Variants in SMCO4 observed in about 807,000 individuals in gnomAD.
The protein encoded by SMCO4 is single-pass membrane and coiled-coil domain-containing protein 4.
Under a neutral mutation model 3.6 loss-of-function variants are expected in SMCO4, and 4 were observed. The observed-to-expected ratio is 1.11, with a 90% confidence interval of 0.54 to 2.53. SMCO4 has a LOEUF of 2.53. Among genes scored for constraint, SMCO4 ranks in the 30% most tolerant of loss-of-function variants. The pLI, the probability that SMCO4 is intolerant of heterozygous loss-of-function variation, is 0.02. For synonymous variants in SMCO4, 36 were observed against 35.3 expected (o/e 1.02, Z -0.07); for missense variants, 70 against 80.8 (o/e 0.87, Z 0.51).
intron 1 of SMCO4, among the ~76,000 whole-genome samples, chr11:93,529,285 A>G (rs1185449550): frequency 6.6e-6 from 1 of 152,230 alleles, no homozygotes; most frequent in Non-Finnish European, 1.5e-5. Context: ...TCTAGCTAGG[A>G]ATCATCTTCA....
At chr11:93,502,440 A>T (rs1479474229) in intron 1 of SMCO4, among the ~76,000 whole-genome samples, 1 of 152,148 alleles carries the variant, frequency 6.6e-6, no homozygotes, top group Middle Eastern at 3.2e-3. Flanking sequence ...GTTTTCTTGC[A>T]TGGTCAGAAT....
chr11:93,528,567 G>C (rs1190556315), intron 1 of SMCO4, among the ~76,000 whole-genome samples: 1 of 152,200 alleles, frequency 6.6e-6, no homozygotes, highest in Non-Finnish European at 1.5e-5. Context: ...TATCAGGCTG[G>C]CTGGGATAAA....
intron 2 of SMCO4, among the ~76,000 whole-genome samples, chr11:93,481,211 C>T (rs1334014351): frequency 6.6e-6 from 1 of 152,236 alleles, no homozygotes; most frequent in Non-Finnish European, 1.5e-5. Flanking sequence ...TCACTTAACT[C>T]CACTAGGCCT....
Position 93,497,945 on chromosome 11 carries a change from G to T in SMCO4, c.-81+1331C>A, listed in dbSNP as rs1213737424. Among the ~76,000 whole-genome samples, 3 of 152,104 alleles carry T rather than the reference G, an allele frequency of 2.0e-5. No individual in the cohort carries two copies. In the East Asian group the frequency reaches 5.8e-4, roughly 29 times the overall value. ...ACTGATTTTCTTTTTTTTGAGAACT[G>T]TCAGTTGATTATTTATTTTGTATAA... On this transcript the variant is annotated intron_variant, in intron 2 of 2. Transcript: ENST00000298966.
chr11:93,534,440 T>C (rs1949200195), intron 1 of SMCO4, among the ~76,000 whole-genome samples: 1 of 150,880 alleles, frequency 6.6e-6, no homozygotes, highest in Non-Finnish European at 1.5e-5. Flanking sequence ...GTGGAGTTAC[T>C]TACAATTACC....
the SMCO4 span, among the ~76,000 whole-genome samples, chr11:93,549,892 T>C: frequency 6.6e-6 from 1 of 152,220 alleles, no homozygotes; most frequent in East Asian, 1.9e-4. Context: ...TTTTTCTCAC[T>C]GGTAGTAATT....
At chr11:93,492,081 T>G (rs1352281959) in intron 2 of SMCO4, among the ~76,000 whole-genome samples, 1 of 152,146 alleles carries the variant, frequency 6.6e-6, no homozygotes, top group Non-Finnish European at 1.5e-5. Flanking sequence ...ACAGAAACAA[T>G]AGCACACATC....
chr11:93,514,422 A>ATATATATATAC (rs1948990819), intron 1 of SMCO4, among the ~76,000 whole-genome samples: 1 of 103,896 alleles, frequency 9.6e-6, no homozygotes, highest in Non-Finnish European at 2.0e-5. Context: ...ATATATATAT[A>ATATATATATAC]AAATTTGGTC....
At chr11:93,494,733 A>G (rs1395900867) in intron 2 of SMCO4, among the ~76,000 whole-genome samples, 1 of 152,264 alleles carries the variant, frequency 6.6e-6, no homozygotes, top group Admixed American at 6.5e-5. Context: ...AAGGACTTGC[A>G]TATCTGAATC....
At chr11:93,535,497 T>C (rs557722536) in intron 1 of SMCO4, 2 of 1,366,686 alleles carry the variant, frequency 1.5e-6, no homozygotes, top group Non-Finnish European at 2.1e-6. Context: ...GAGCAGCTCC[T>C]GACGGAGCTG....
intron 2 of SMCO4, among the ~76,000 whole-genome samples, chr11:93,485,999 C>T (rs1451277070): frequency 6.6e-6 from 1 of 152,060 alleles, no homozygotes; most frequent in Non-Finnish European, 1.5e-5. Context: ...AATGAATGAC[C>T]AACTGAATGA....
At position 93,526,101 on chromosome 11, in the gene SMCO4, A is replaced by G. The variant is rs547959181; in HGVS notation, c.-154+17175T>C. ...AACACTCATATTGGTTTGAGTATAC[A>G]TATCTTCCCATAAAACAAGGGATTC... On this transcript the variant is annotated intron_variant, in intron 1 of 2. Transcript: ENST00000298966. Among the ~76,000 whole-genome samples, 5 of 152,252 alleles carry G rather than the reference A, an allele frequency of 3.3e-5. No homozygotes were observed. The South Asian group carries it at 1.0e-3, about 32-fold the overall frequency.
chr11:93,544,538 T>C (rs1164700911), upstream of SMCO4, among the ~76,000 whole-genome samples: 2 of 152,224 alleles, frequency 1.3e-5, no homozygotes, highest in African/African-American at 4.8e-5. Flanking sequence ...AACAAGTTTT[T>C]ATTTTAGGGA....
chr11:93,492,542 C>A (rs1430529766), intron 2 of SMCO4, among the ~76,000 whole-genome samples: 1 of 151,858 alleles, frequency 6.6e-6, no homozygotes, highest in South Asian at 2.1e-4. Context: ...GTAAGGTGAC[C>A]AGGTGGGAGA....
At position 93,497,704 on chromosome 11, in the gene SMCO4, C is replaced by T. The variant is rs1024358596; in HGVS notation, c.-81+1572G>A. On this transcript the variant is annotated intron_variant, in intron 2 of 2. Coordinates refer to ENST00000298966, the MANE Select transcript of SMCO4 (RefSeq NM_020179.3). The stretch of plus-strand genomic sequence containing the variant: ...CATCAGTTCATGATGTTATGCAAGA[C>T]ATTGAACTTCTGAGCTTATTTCCCA... Among the ~76,000 whole-genome samples, 33 of 152,198 alleles carry T rather than the reference C, an allele frequency of 2.2e-4. 1 individual carries two copies. Among genetic ancestry groups the T allele is most frequent in the Admixed American group, 1.3e-3 (20 of 15,280 alleles).
chr11:93,541,275 G>A (rs181200416), intron 1 of SMCO4, among the ~76,000 whole-genome samples: 1 of 152,274 alleles, frequency 6.6e-6, no homozygotes, highest in East Asian at 1.9e-4. Context: ...GCGGGGTGGA[G>A]GGGACACAGA....
At chr11:93,503,459 G>A (rs1489835951) in intron 1 of SMCO4, among the ~76,000 whole-genome samples, 1 of 152,154 alleles carries the variant, frequency 6.6e-6, no homozygotes, top group African/African-American at 2.4e-5. Flanking sequence ...AGATTTGGGT[G>A]GGGACACAAC....
intron 1 of SMCO4, among the ~76,000 whole-genome samples, chr11:93,512,888 A>C (rs1434803492): frequency 2.6e-5 from 4 of 152,198 alleles, no homozygotes; most frequent in Non-Finnish European, 4.4e-5. Context: ...CAGGTCATGA[A>C]GGGGCCTAAC....
At chr11:93,544,868 G>A (rs1949303381), upstream of SMCO4, among the ~76,000 whole-genome samples, 1 of 152,120 alleles carries the variant, frequency 6.6e-6, no homozygotes, top group Admixed American at 6.5e-5. Flanking sequence ...TTAATAAAAG[G>A]CAACTATTGA....
Sources: allele counts gnomAD v4.1 joint callset (sites outside exome capture counted in the v4.1 genomes callset), GRCh38; gene constraint gnomAD v4.1.1; transcripts MANE v1.5; gene names NCBI Gene and HGNC (gene_info 2026-07-23, HGNC 2026-07-21).